The following ABCC3 variants were observed in gnomAD, a reference collection of about 807,000 sequenced individuals.
The protein encoded by ABCC3 is ATP-binding cassette sub-family C member 3.
A neutral mutation model predicts 165.3 loss-of-function variants in ABCC3; 121 were observed. The ratio of observed to expected loss-of-function variants is 0.73; its 90% CI spans 0.63 to 0.85. ABCC3 has a LOEUF of 0.85. Ranked by LOEUF, ABCC3 falls within the 40% of genes least tolerant of loss-of-function variation. ABCC3 has a pLI of 0.00. For synonymous variants in ABCC3, 733 were observed against 810.1 expected, an observed-to-expected ratio of 0.90 and a Z score of 1.62; for missense variants, 1,869 against 1,964.1, an observed-to-expected ratio of 0.95 and a Z score of 0.92.
Position 50,678,125 on chromosome 17 carries a change from A to G in ABCC3, c.3611A>G (p.Asn1204Ser). ...AGCATCGGAGTGGAGTTCGTGGGGA[A>G]CTGCGTGGTGCTCTTTGCTGCACTA... is the stretch of plus-strand genomic sequence containing the variant. ...WLSIGVEFVG[N>S]CVVLFAALFA... The change falls in exon 25 of 31, where the codon AAC becomes AGC. Residue 1204 changes from asparagine to serine, a missense_variant. Coordinates refer to ENST00000285238, the MANE Select transcript of ABCC3 (RefSeq NM_003786.4). 6.3e-7 allele frequency: 1 copy of G among 1,587,092 alleles called. No individual in the cohort carries two copies. The highest frequency in any genetic ancestry group is 8.6e-7 in the Non-Finnish European group (1 of 1,166,128).
At chr17:50,649,828 C>A (rs2078814669) in intron 1 of ABCC3, among the ~76,000 whole-genome samples, 1 of 152,098 alleles carries the variant, frequency 6.6e-6, no homozygotes, top group African/African-American at 2.4e-5. Context: ...TGAACAATAG[C>A]CGTTCATTAA....
chr17:50,687,078 G>A (rs1219765350), intron 29 of ABCC3, among the ~76,000 whole-genome samples: 3 of 152,196 alleles, frequency 2.0e-5, no homozygotes, highest in Non-Finnish European at 4.4e-5. Context: ...GCCCTGGCCT[G>A]TATTCCCTAT....
At chr17:50,658,020 G>A in intron 4 of ABCC3, 62 bp from the exon 5 acceptor site, 1 of 1,611,314 alleles carries the variant, frequency 6.2e-7, no homozygotes, top group Non-Finnish European at 8.5e-7. Context: ...GACTCCGCAG[G>A]GCAGGGGCTG....
At position 50,669,571 on chromosome 17, in the gene ABCC3, C is replaced by G. The variant is rs555892542; in HGVS notation, c.2241+43C>G. ...ATCCCTAAGAGGCTAGGGCATAGAG[C>G]TGCCCACCTCAACCCAGCCCAGGTC... On this transcript the variant is annotated intron_variant, in intron 17 of 30. Transcript: ENST00000285238. 4 of 1,595,968 alleles carry G rather than the reference C, an allele frequency of 2.5e-6. 1 individual carries two copies. In the Admixed American group the frequency reaches 5.1e-5, roughly 20 times the overall value.
intron 7 of ABCC3, among the ~76,000 whole-genome samples, chr17:50,660,229 C>T (rs994426934): frequency 2.6e-5 from 4 of 152,150 alleles, no homozygotes; most frequent in Admixed American, 6.5e-5. Flanking sequence ...AGATGATCTT[C>T]CCCTGAGGGG....
intron 1 of ABCC3, chr17:50,635,790 G>A: frequency 1.7e-6 from 1 of 586,224 alleles, no homozygotes; most frequent in African/African-American, 1.9e-5. Flanking sequence ...GGCAGAGGTG[G>A]GAGGATCACT....
chr17:50,637,441 C>T (rs376620742), intron 1 of ABCC3, among the ~76,000 whole-genome samples: 128 of 152,290 alleles, frequency 8.4e-4, no homozygotes, highest in African/African-American at 2.9e-3. Context: ...ATCTCATTTG[C>T]ATGGTGTATT....
At chr17:50,668,087 G>A (rs1372256095) in intron 13 of ABCC3, 78 bp downstream of exon 13, 7 of 1,221,664 alleles carry the variant, frequency 5.7e-6, no homozygotes, top group South Asian at 1.3e-5. Context: ...CTTAGGGCAA[G>A]GGATAATCAG....
chr17:50,669,619 C>T, intron 17 of ABCC3, 91 bp downstream of exon 17: 1 of 1,393,036 alleles, frequency 7.2e-7, no homozygotes, highest in South Asian at 1.3e-5. Context: ...CCTTCATTCA[C>T]ACATTGGTGT....
chr17:50,643,453 C>T, intron 1 of ABCC3: 1 of 444,264 alleles, frequency 2.3e-6, no homozygotes. Context: ...TTCTGCCCAC[C>T]TGGGCCTTCA....
chr17:50,669,635 T>C (rs1451158628), intron 17 of ABCC3, 107 bp downstream of exon 17: 2 of 1,204,032 alleles, frequency 1.7e-6, no homozygotes, highest in East Asian at 2.4e-5. Context: ...GGTGTAACGT[T>C]ATGCCCAACT....
At chr17:50,676,151 C>G (rs528411315) in intron 22 of ABCC3, 61 bp downstream of exon 22, 1 of 1,599,392 alleles carries the variant, frequency 6.3e-7, no homozygotes. Context: ...GGCTGCCAGG[C>G]CCCCCAAACC....
At chr17:50,673,979 T>TCTTTCCTTCCTTCCTTCCTTCCTTC (rs1967725299) in intron 19 of ABCC3, among the ~76,000 whole-genome samples, 4 of 1,874 alleles carry the variant, frequency 2.1e-3, no homozygotes, top group African/African-American at 4.8e-3. Flanking sequence ...TTTCTTTCTT[T>TCTTTCCTTCCTTCCTTCCTTCCTTC]CTCTCTCTCT....
rs1567835684 is a variant in ABCC3 at position 50,674,022 on chromosome 17, CTCTCTCTCTCTCTCTT to C, written c.2599+368_2599+383del. On this transcript the variant is annotated intron_variant, in intron 19 of 30. Coordinates refer to ENST00000285238, the MANE Select transcript of ABCC3 (RefSeq NM_003786.4). ...TCTCTCTCTCTCTCTCTCTCTCTCT[CTCTCTCTCTCTCTCTT>C]TCTTTCTTTCTTTCTTTCTTTCTTT... Among the ~76,000 whole-genome samples, 13 of 6,906 alleles carry C rather than the reference CTCTCTCTCTCTCTCTT, an allele frequency of 1.9e-3. 3 individuals carry two copies. The highest frequency in any genetic ancestry group is 6.6e-3 in the African/African-American group (10 of 1,508). The allele number at this position is 6,906 out of a possible 152,430, so 4.5% of individuals were successfully genotyped here.
rs1031159451 is a variant in ABCC3 at position 50,660,972 on chromosome 17, G to A, written c.856G>A (p.Val286Met). 1.9e-6 allele frequency: 3 copies of A among 1,613,692 alleles called. No individual in the cohort carries two copies. In the African/African-American group the frequency reaches 4.0e-5, roughly 22 times the overall value. ...PGKNASGEDE[V>M]LLGARPRPRK... ...GAAAAATGCCTCCGGCGAGGACGAG[G>A]TGCTGCTGGGTGCCCGGCCCAGGCC... The change falls in exon 8 of 31, where the codon GTG becomes ATG. Residue 286 changes from valine (V) to methionine (M), a missense_variant. Physicochemically the swap from Val to Met is conservative, Grantham distance 21. Coordinates refer to ENST00000285238, the MANE Select transcript of ABCC3 (RefSeq NM_003786.4).
intron 1 of ABCC3, 99 bp downstream of exon 1, chr17:50,635,080 C>A: frequency 2.5e-6 from 3 of 1,205,268 alleles, no homozygotes; most frequent in Non-Finnish European, 3.1e-6. Context: ...GCAGGTATCC[C>A]GGGACGGAGC....
chr17:50,668,783 C>G lies in ABCC3; in HGVS notation c.1871-70C>G, dbSNP rs1341873200. 13 of 1,351,728 alleles carry G rather than the reference C, an allele frequency of 9.6e-6. No homozygotes were observed. The East Asian group carries it at 3.0e-4, about 32-fold the overall frequency. The allele number at this position is 1,351,728 out of a possible 1,614,324, so 83.7% of individuals were successfully genotyped here. The stretch of plus-strand genomic sequence containing the variant: ...TCCCCTGTCCTCCTTTCCCCTGCCC[C>G]CCAGCCTCCCTGCAGGCTACCCCAT... On this transcript the variant is annotated intron_variant, in intron 14 of 30. Transcript: ENST00000285238.
rs770435677 is a variant in ABCC3 at position 50,683,667 on chromosome 17, G to A, written c.3865G>A (p.Val1289Met). Residue 1289 changes from valine to methionine, a missense_variant, in exon 27 of 31, where the codon GTG becomes ATG. Physicochemically the swap from Val to Met is conservative, Grantham distance 21. Transcript: ENST00000285238. Reference sequence around the variant, plus strand: ...CGAAGGTTGGCCCCCACGTGGGGAGGTGGAGTTCCGGAATTATTCTGTGCG... The same window carrying A: ...CGAAGGTTGGCCCCCACGTGGGGAGATGGAGTTCCGGAATTATTCTGTGCG... ...PPEGWPPRGE[V>M]EFRNYSVRYR... is the part of the protein sequence containing the mutation. 6.2e-7 allele frequency: 1 copy of A among 1,604,210 alleles called. No homozygotes were observed. The highest frequency in any genetic ancestry group is 8.5e-7 in the Non-Finnish European group (1 of 1,175,120).
In ABCC3 at chr17:50,668,528, C is replaced by T; in HGVS notation, c.1870+11C>T. ...AGACCATCTCCCCAGGTCTAGAGAG[C>T]CCCTACCTGGGCTGCCTGCCCCAGT... On this transcript the variant is annotated intron_variant, in intron 14 of 30. Coordinates refer to ENST00000285238, the MANE Select transcript of ABCC3 (RefSeq NM_003786.4). The T allele has an allele frequency of 6.2e-7, 1 of 1,606,464 alleles. No individual in the cohort carries two copies. Among genetic ancestry groups the T allele is most frequent in the Non-Finnish European group, 8.5e-7 (1 of 1,174,204 alleles).
Sources: allele counts gnomAD v4.1 joint callset (sites outside exome capture counted in the v4.1 genomes callset), GRCh38; gene constraint gnomAD v4.1.1; transcripts MANE v1.5; gene names NCBI Gene and HGNC (gene_info 2026-07-23, HGNC 2026-07-21).